The following GALNT13 variants were observed in gnomAD, a reference collection of about 807,000 sequenced individuals.
GALNT13 encodes the protein polypeptide N-acetylgalactosaminyltransferase 13, also known as UDP-GalNAc:polypeptide N-acetylgalactosaminyltransferase 13.
A neutral mutation model predicts 64.2 loss-of-function variants in GALNT13; 28 were observed. The ratio of observed to expected loss-of-function variants is 0.44; its 90% CI spans 0.32 to 0.60. GALNT13 has a LOEUF of 0.60. Ranked by LOEUF, GALNT13 falls within the 20% of genes least tolerant of loss-of-function variation. The pLI is 0.05. For missense variants in GALNT13, 577 were observed against 669.8 expected (o/e 0.86, Z 1.53); for synonymous variants, 214 against 224.6 (o/e 0.95, Z 0.42).
chr2:153,912,750 T>G (rs977508915), intron 2 of GALNT13, among the ~76,000 whole-genome samples: 1 of 152,222 alleles, frequency 6.6e-6, no homozygotes, highest in Non-Finnish European at 1.5e-5. Flanking sequence ...GGCTTTGTTT[T>G]CTGGCCCCTC....
At chr2:153,831,760 A>G in the GALNT13 span, among the ~76,000 whole-genome samples, 1 of 152,044 alleles carries the variant, frequency 6.6e-6, no homozygotes, top group Non-Finnish European at 1.5e-5. Context: ...TCCTACTTCT[A>G]CGTCCTGATT....
intron 3 of GALNT13, among the ~76,000 whole-genome samples, chr2:154,139,657 T>C (rs1313583993): frequency 1.5e-5 from 2 of 134,142 alleles, no homozygotes; most frequent in Admixed American, 1.5e-4. Context: ...CACACACCCC[T>C]TGAAACGTAT....
At chr2:153,175,249 G>GT in the GALNT13 span, among the ~76,000 whole-genome samples, 1 of 152,048 alleles carries the variant, frequency 6.6e-6, no homozygotes, top group African/African-American at 2.4e-5. Context: ...GTCTTTCATT[G>GT]TATCTTCTGT....
At chr2:153,200,855 A>T in the GALNT13 span, among the ~76,000 whole-genome samples, 1 of 152,216 alleles carries the variant, frequency 6.6e-6, no homozygotes, top group Non-Finnish European at 1.5e-5. Flanking sequence ...TCTATAGGAA[A>T]GTCAGGCTAG....
chr2:154,197,906 A>C (rs187226578), intron 4 of GALNT13, among the ~76,000 whole-genome samples: 40 of 152,140 alleles, frequency 2.6e-4, no homozygotes, highest in African/African-American at 9.6e-4. Flanking sequence ...CAAATATATG[A>C]AAAGAAGCTT....
chr2:153,286,670 C>T, the GALNT13 span, among the ~76,000 whole-genome samples: 10 of 152,008 alleles, frequency 6.6e-5, no homozygotes, highest in African/African-American at 1.7e-4. Context: ...TTCAAAATAA[C>T]GGGAAAAGCT....
chr2:153,688,908 A>G, the GALNT13 span, among the ~76,000 whole-genome samples: 1 of 151,178 alleles, frequency 6.6e-6, no homozygotes, highest in Non-Finnish European at 1.5e-5. Context: ...ACCTTTCTTG[A>G]GCATGTATTT....
At chr2:154,194,356 A>G (rs2105763631) in intron 4 of GALNT13, among the ~76,000 whole-genome samples, 1 of 152,278 alleles carries the variant, frequency 6.6e-6, no homozygotes, top group East Asian at 1.9e-4. Flanking sequence ...GTTGAGACCA[A>G]TTTTTTTCCT....
At chr2:153,139,080 G>A in the GALNT13 span, among the ~76,000 whole-genome samples, 1 of 152,048 alleles carries the variant, frequency 6.6e-6, no homozygotes, top group African/African-American at 2.4e-5. Flanking sequence ...GAAGGCATGT[G>A]ACATCATTTC....
At chr2:153,254,286 T>C in the GALNT13 span, among the ~76,000 whole-genome samples, 2 of 151,964 alleles carry the variant, frequency 1.3e-5, no homozygotes, top group Non-Finnish European at 2.9e-5. Flanking sequence ...CTGATGGTAG[T>C]TTGTATTTCT....
intron 4 of GALNT13, among the ~76,000 whole-genome samples, chr2:154,212,101 G>A (rs1005583745): frequency 1.3e-5 from 2 of 152,156 alleles, no homozygotes; most frequent in African/African-American, 4.8e-5. Flanking sequence ...TGAGAAGCCA[G>A]ATTGAATTGT....
the GALNT13 span, among the ~76,000 whole-genome samples, chr2:153,325,439 A>G: frequency 4.4e-5 from 6 of 137,052 alleles, no homozygotes; most frequent in East Asian, 1.2e-3. Context: ...AACATTTTCA[A>G]AAAAACAGCT....
chr2:153,195,631 G>T, the GALNT13 span, among the ~76,000 whole-genome samples: 1 of 152,214 alleles, frequency 6.6e-6, no homozygotes, highest in East Asian at 1.9e-4. Flanking sequence ...GAGCTCCCAG[G>T]TCTGGGCACC....
At chr2:153,788,505 G>A in the GALNT13 span, among the ~76,000 whole-genome samples, 5 of 151,770 alleles carry the variant, frequency 3.3e-5, no homozygotes, top group African/African-American at 1.2e-4. Context: ...ACACACTTAA[G>A]TACACAGACC....
At chr2:154,155,141 G>C (rs1378306012) in intron 4 of GALNT13, among the ~76,000 whole-genome samples, 1 of 151,926 alleles carries the variant, frequency 6.6e-6, no homozygotes, top group Non-Finnish European at 1.5e-5. Context: ...TTCTCAACTT[G>C]AAAATAAAAG....
the GALNT13 span, among the ~76,000 whole-genome samples, chr2:153,507,746 T>C: frequency 6.6e-6 from 1 of 152,086 alleles, no homozygotes; most frequent in Admixed American, 6.5e-5. Flanking sequence ...AAGAACCTTG[T>C]TTTGTCATAT....
At chr2:154,399,696 A>G (rs760378290) in intron 10 of GALNT13, among the ~76,000 whole-genome samples, 2 of 152,156 alleles carry the variant, frequency 1.3e-5, no homozygotes, top group African/African-American at 4.8e-5. Flanking sequence ...AGATTTCACC[A>G]TGAATTTTGG....
At chr2:153,568,695 AG>A in the GALNT13 span, among the ~76,000 whole-genome samples, 3 of 152,218 alleles carry the variant, frequency 2.0e-5, no homozygotes, top group Non-Finnish European at 4.4e-5. Context: ...AATTTCCAAA[AG>A]CTGAATACAC....
At chr2:153,323,444 G>A in the GALNT13 span, among the ~76,000 whole-genome samples, 2 of 152,052 alleles carry the variant, frequency 1.3e-5, no homozygotes, top group South Asian at 4.2e-4. Context: ...TAGGTTGCCT[G>A]TTCACTCTGA....
Sources: allele counts gnomAD v4.1 joint callset (sites outside exome capture counted in the v4.1 genomes callset), GRCh38; gene constraint gnomAD v4.1.1; transcripts MANE v1.5; gene names NCBI Gene and HGNC (gene_info 2026-07-23, HGNC 2026-07-21).